The following GALNT17 variants were observed in gnomAD, a reference collection of about 807,000 sequenced individuals.
GALNT17 encodes polypeptide N-acetylgalactosaminyltransferase 17.
GALNT17 carries 29 observed loss-of-function variants against 63.7 expected under a neutral mutation model. The ratio of observed to expected loss-of-function variants is 0.46; its 90% CI spans 0.34 to 0.62. GALNT17 has a LOEUF of 0.62. GALNT17 is among the 20% of genes least tolerant of loss of function. GALNT17 has a pLI of 0.01. For synonymous variants in GALNT17, 305 were observed against 318.3 expected (o/e 0.96, Z 0.45); for missense variants, 603 against 799.6 (o/e 0.75, Z 2.97).
At chr7:71,265,849 T>G (rs1330292443) in intron 1 of GALNT17, among the ~76,000 whole-genome samples, 2 of 152,238 alleles carry the variant, frequency 1.3e-5, no homozygotes, top group African/African-American at 4.8e-5. Context: ...TTCATGCTGC[T>G]GCTGTAACAA....
Position 71,204,001 on chromosome 7 carries a change from A to C in GALNT17, c.238+70961A>C, listed in dbSNP as rs191835793. 1.2e-4 allele frequency among the ~76,000 whole-genome samples: 18 copies of C among 152,240 alleles called. No homozygotes were observed. In the East Asian group the frequency reaches 3.5e-3, roughly 29 times the overall value. On this transcript the variant is annotated intron_variant, in intron 1 of 10. Coordinates refer to ENST00000333538, the MANE Select transcript of GALNT17 (RefSeq NM_022479.3). ...ATTCAAAAAAGTCATTGTCCAGACC[A>C]ATGTCATGTTTTGTTCTAGTAGTTT...
intron 5 of GALNT17, among the ~76,000 whole-genome samples, chr7:71,462,697 G>A (rs934876301): frequency 6.6e-6 from 1 of 152,168 alleles, no homozygotes; most frequent in Non-Finnish European, 1.5e-5. Flanking sequence ...GAGTGTCCAG[G>A]TCCCAGATAG....
chr7:71,706,532 G>A (rs1325999477), intron 9 of GALNT17, among the ~76,000 whole-genome samples: 3 of 152,196 alleles, frequency 2.0e-5, no homozygotes, highest in Admixed American at 2.0e-4. Flanking sequence ...GAACATAAAG[G>A]CAGCTTGCTG....
At chr7:71,209,759 AAG>A (rs1335857368) in intron 1 of GALNT17, among the ~76,000 whole-genome samples, 1 of 152,078 alleles carries the variant, frequency 6.6e-6, no homozygotes, top group Non-Finnish European at 1.5e-5. Flanking sequence ...TGGGAAGAAA[AAG>A]AGGTTTAATC....
At chr7:71,635,425 C>T (rs999337396) in intron 6 of GALNT17, among the ~76,000 whole-genome samples, 1 of 152,108 alleles carries the variant, frequency 6.6e-6, no homozygotes, top group African/African-American at 2.4e-5. Context: ...AACAGTCTCT[C>T]GGGTTAAATT....
rs1012382639 is a variant in GALNT17 at position 71,213,443 on chromosome 7, G to A, written c.238+80403G>A. Among the ~76,000 whole-genome samples the A allele has an allele frequency of 2.1e-5, 3 of 143,286 alleles. No individual in the cohort carries two copies. The Admixed American group carries it at 2.1e-4, about 10-fold the overall frequency. 94.0% of individuals were successfully genotyped at this position (143,286 alleles called of 152,430 possible). A position where few individuals can be genotyped will look rare whatever the true frequency, so the allele number is the denominator to read the frequency against. On this transcript the variant is annotated intron_variant, in intron 1 of 10. Transcript: ENST00000333538. ...TTGGTATTTATTTATATGTTTCATAGATGTTTATGGTTTTATAAATACATA... is the reference window on the plus strand; with the variant it reads ...TTGGTATTTATTTATATGTTTCATAAATGTTTATGGTTTTATAAATACATA...
At chr7:71,704,804 G>C (rs1011021142) in intron 9 of GALNT17, among the ~76,000 whole-genome samples, 1 of 152,060 alleles carries the variant, frequency 6.6e-6, no homozygotes, top group African/African-American at 2.4e-5. Flanking sequence ...CCGGGACACA[G>C]ATATCCACAT....
intron 1 of GALNT17, among the ~76,000 whole-genome samples, chr7:71,219,793 A>G (rs1789550775): frequency 6.6e-6 from 1 of 152,044 alleles, no homozygotes; most frequent in East Asian, 1.9e-4. Context: ...ATTTTCCTCA[A>G]ATGTCTGGTG....
chr7:71,395,857 A>G (rs1312227754), intron 3 of GALNT17, among the ~76,000 whole-genome samples: 5 of 152,170 alleles, frequency 3.3e-5, no homozygotes, highest in African/African-American at 1.2e-4. Context: ...TATTTTGAGC[A>G]TCTTTTCATG....
intron 2 of GALNT17, among the ~76,000 whole-genome samples, chr7:71,351,732 G>T (rs1227196744): frequency 1.3e-5 from 2 of 152,128 alleles, no homozygotes; most frequent in African/African-American, 4.8e-5. Context: ...GGGACTTCTG[G>T]CCTCTAGAAC....
chr7:71,510,312 A>G (rs1400923274), intron 5 of GALNT17, among the ~76,000 whole-genome samples: 2 of 152,150 alleles, frequency 1.3e-5, no homozygotes, highest in African/African-American at 2.4e-5. Context: ...AACACAATCC[A>G]TTTTAGACCA....
chr7:71,346,167 G>A (rs896497207), intron 2 of GALNT17, among the ~76,000 whole-genome samples: 1 of 151,860 alleles, frequency 6.6e-6, no homozygotes, highest in Non-Finnish European at 1.5e-5. Context: ...ACCCCATCTT[G>A]GATAACAGAG....
chr7:71,226,747 TGGGATTACAGACGTGA>T (rs1170748477), intron 1 of GALNT17, among the ~76,000 whole-genome samples: 2 of 152,000 alleles, frequency 1.3e-5, no homozygotes, highest in Non-Finnish European at 2.9e-5. Flanking sequence ...CCCAAAGTGC[TGGGATTACAGACGTGA>T]GCAACTACAC....
chr7:71,266,591 A>C (rs1790496413), intron 1 of GALNT17, among the ~76,000 whole-genome samples: 1 of 152,194 alleles, frequency 6.6e-6, no homozygotes, highest in African/African-American at 2.4e-5. Context: ...GCTCAGGTAG[A>C]GCTTTATAGG....
intron 6 of GALNT17, among the ~76,000 whole-genome samples, chr7:71,632,968 G>A (rs7797604): frequency 0.43 from 65,459 of 151,520 alleles, 16,510 homozygotes; most frequent in East Asian, 0.76. Flanking sequence ...GCTGGGCATG[G>A]TGGCACACGC....
At chr7:71,198,314 A>G (rs562610207) in intron 1 of GALNT17, among the ~76,000 whole-genome samples, 2 of 152,034 alleles carry the variant, frequency 1.3e-5, no homozygotes, top group African/African-American at 4.8e-5. Context: ...CTGCTCTCCC[A>G]TCCAAAAGCA....
chr7:71,259,588 G>T (rs532083612), intron 1 of GALNT17, among the ~76,000 whole-genome samples: 30 of 151,212 alleles, frequency 2.0e-4, no homozygotes, highest in African/African-American at 6.6e-4. Flanking sequence ...GCCAATGGAA[G>T]TACACACAGA....
intron 1 of GALNT17, among the ~76,000 whole-genome samples, chr7:71,136,943 T>C (rs1203313609): frequency 6.6e-6 from 1 of 151,716 alleles, no homozygotes; most frequent in Non-Finnish European, 1.5e-5. Context: ...CATGCTACCA[T>C]GCCCAGCTAG....
At chr7:71,156,689 C>CCTCT (rs1238751496) in intron 1 of GALNT17, among the ~76,000 whole-genome samples, 3,718 of 136,894 alleles carry the variant, frequency 0.027, 251 homozygotes, top group African/African-American at 0.095. Context: ...TCCCTTCCTT[C>CCTCT]CTCTCTGTCT....
Sources: gnomAD v4.1 joint callset for allele counts (sites outside exome capture counted in the v4.1 genomes callset) on GRCh38, gnomAD v4.1.1 for gene constraint, MANE v1.5 for transcripts, NCBI Gene and HGNC (gene_info 2026-07-23, HGNC 2026-07-21) for gene names.